LRP1B: variants seen among roughly 807,000 people sequenced by gnomAD.
The protein encoded by LRP1B is LDL receptor related protein 1B.
Under a neutral mutation model 556.6 loss-of-function variants are expected in LRP1B, and 217 were observed. The ratio of observed to expected loss-of-function variants is 0.39; its 90% CI spans 0.35 to 0.44. The LOEUF is 0.44. Among genes scored for constraint, LRP1B ranks in the 20% least tolerant of loss-of-function variants. The probability of loss-of-function intolerance (pLI) is 1.00; values close to 1 mark genes in which losing one functional copy is unlikely to be tolerated. For synonymous variants in LRP1B, 2,047 were observed against 1,865.8 expected (o/e 1.10, Z -2.50); for missense variants, 5,053 against 5,620.8 (o/e 0.90, Z 3.23).
chr2:140,924,922 C>G (rs1327788074), intron 20 of LRP1B, among the ~76,000 whole-genome samples: 1 of 151,512 alleles, frequency 6.6e-6, no homozygotes, highest in Admixed American at 6.6e-5. Context: ...GCAGAGTGCT[C>G]TATATAGAAA....
intron 21 of LRP1B, among the ~76,000 whole-genome samples, chr2:140,919,869 G>GA (rs769014758): frequency 2.0e-5 from 3 of 152,142 alleles, no homozygotes. Flanking sequence ...AATGACATTA[G>GA]AATACTTGCG....
chr2:140,547,736 G>A (rs1680396269), intron 43 of LRP1B, among the ~76,000 whole-genome samples: 2 of 152,014 alleles, frequency 1.3e-5, no homozygotes, highest in Admixed American at 1.3e-4. Context: ...TGGGCCTTCT[G>A]CCTTACCAAA....
chr2:140,390,737 C>T (rs1292589289), intron 66 of LRP1B, among the ~76,000 whole-genome samples: 2 of 151,064 alleles, frequency 1.3e-5, no homozygotes, highest in African/African-American at 4.9e-5. Context: ...ACAGCCTACT[C>T]ATTTGTTGGC....
At chr2:141,201,236 A>G (rs1682001491) in intron 6 of LRP1B, among the ~76,000 whole-genome samples, 1 of 152,212 alleles carries the variant, frequency 6.6e-6, no homozygotes, top group Non-Finnish European at 1.5e-5. Flanking sequence ...AAAATGGCTA[A>G]GAAAGCAAAG....
At chr2:140,864,138 A>T (rs1208720544) in intron 27 of LRP1B, among the ~76,000 whole-genome samples, 7 of 151,846 alleles carry the variant, frequency 4.6e-5, no homozygotes, top group Admixed American at 3.9e-4. Context: ...ATGGCTAACA[A>T]TTTTTCTCAC....
intron 14 of LRP1B, among the ~76,000 whole-genome samples, chr2:141,007,135 G>A (rs1434979192): frequency 9.2e-5 from 14 of 151,776 alleles, no homozygotes; most frequent in Non-Finnish European, 2.1e-4. Flanking sequence ...CATACGATAA[G>A]AGAATAAAAT....
Position 140,914,447 on chromosome 2 carries a change from T to C in LRP1B, c.3320-6370A>G, listed in dbSNP as rs576449964. Among the ~76,000 whole-genome samples, 370 of 152,310 alleles carry C rather than the reference T, an allele frequency of 2.4e-3. 1 individual carries two copies. Among genetic ancestry groups the C allele is most frequent in the African/African-American group, 8.6e-3 (359 of 41,576 alleles). On this transcript the variant is annotated intron_variant, in intron 21 of 90. Coordinates refer to ENST00000389484, the MANE Select transcript of LRP1B (RefSeq NM_018557.3). ...AACAGAAATGATATATTCTTACTCC[T>C]TTCTGACTTTGAAGAGAAAGTAGAA... is the stretch of plus-strand genomic sequence containing the variant.
intron 41 of LRP1B, among the ~76,000 whole-genome samples, chr2:140,618,040 T>C (rs2105242602): frequency 6.6e-6 from 1 of 152,142 alleles, no homozygotes; most frequent in South Asian, 2.1e-4. Flanking sequence ...TCTGACATCA[T>C]ACACTAATTT....
chr2:142,014,800 A>G (rs1221136904), intron 1 of LRP1B, among the ~76,000 whole-genome samples: 2 of 152,208 alleles, frequency 1.3e-5, no homozygotes, highest in Admixed American at 6.5e-5. Context: ...GAGAAAATAC[A>G]TGGTGAGGCA....
chr2:141,405,161 A>G (rs546289017), intron 3 of LRP1B, among the ~76,000 whole-genome samples: 4 of 152,266 alleles, frequency 2.6e-5, no homozygotes, highest in South Asian at 4.1e-4. Context: ...TATTTATCAG[A>G]CCATATTTAT....
chr2:140,550,970 G>A (rs904414239), intron 43 of LRP1B, among the ~76,000 whole-genome samples: 1 of 152,010 alleles, frequency 6.6e-6, no homozygotes, highest in Non-Finnish European at 1.5e-5. Flanking sequence ...ATAAGTAGAG[G>A]AAGAGAAATG....
At chr2:140,413,367 G>A (rs142096892) in intron 66 of LRP1B, among the ~76,000 whole-genome samples, 1 of 152,058 alleles carries the variant, frequency 6.6e-6, no homozygotes, top group African/African-American at 2.4e-5. Context: ...GTTTGCTTTA[G>A]AGAAAATCCC....
intron 2 of LRP1B, among the ~76,000 whole-genome samples, chr2:141,775,842 C>CT (rs770939865): frequency 0.09 from 12,147 of 134,416 alleles, 843 homozygotes; most frequent in African/African-American, 0.18. Flanking sequence ...TCAGGTTTTC[C>CT]TTTTTTTTTT....
In LRP1B at chr2:140,335,842, C is replaced by A. The variant is rs758121241; in HGVS notation, c.11893-4G>T. 1 of 1,586,806 alleles carries A rather than the reference C, an allele frequency of 6.3e-7. No homozygotes were observed. The highest frequency in any genetic ancestry group is 1.1e-5 in the South Asian group (1 of 90,470). ...TGGGCCTTTTAAATTCAGGACACTA[C>A]AAGGAAACAAAACAACACACCACGG... On this transcript the variant is annotated splice_polypyrimidine_tract_variant and splice_region_variant and intron_variant, in intron 77 of 90. Coordinates refer to ENST00000389484, the MANE Select transcript of LRP1B (RefSeq NM_018557.3).
chr2:140,693,686 T>A (rs1053486602), intron 41 of LRP1B, among the ~76,000 whole-genome samples: 1 of 151,638 alleles, frequency 6.6e-6, no homozygotes, highest in Non-Finnish European at 1.5e-5. Flanking sequence ...ATAGCTTTTT[T>A]AAGATCACAT....
intron 2 of LRP1B, among the ~76,000 whole-genome samples, chr2:141,620,352 T>G (rs1688457760): frequency 6.6e-6 from 1 of 152,238 alleles, no homozygotes; most frequent in Admixed American, 6.5e-5. Context: ...TGAACAGCTT[T>G]TAACAAAACC....
intron 2 of LRP1B, among the ~76,000 whole-genome samples, chr2:141,788,130 A>G (rs1043821591): frequency 1.4e-4 from 21 of 152,020 alleles, no homozygotes; most frequent in African/African-American, 2.4e-5. Flanking sequence ...CCTCTACAAG[A>G]TTTATGTGAC....
intron 5 of LRP1B, among the ~76,000 whole-genome samples, chr2:141,232,435 G>C (rs1036881706): frequency 1.8e-4 from 28 of 152,158 alleles, no homozygotes; most frequent in African/African-American, 6.8e-4. Flanking sequence ...TCCAGATTTA[G>C]ACAGCCATTT....
At chr2:141,582,776 G>C (rs1424221094) in intron 2 of LRP1B, among the ~76,000 whole-genome samples, 1 of 149,336 alleles carries the variant, frequency 6.7e-6, no homozygotes, top group African/African-American at 2.5e-5. Context: ...AAATTAGTTT[G>C]AGGATTCTGA....
Sources: allele counts gnomAD v4.1 joint callset (sites outside exome capture counted in the v4.1 genomes callset), GRCh38; gene constraint gnomAD v4.1.1; transcripts MANE v1.5; gene names NCBI Gene and HGNC (gene_info 2026-07-23, HGNC 2026-07-21).